The following ANKRD30B variants were observed in gnomAD, a reference collection of about 807,000 sequenced individuals.
ANKRD30B encodes the protein ankyrin repeat domain 30B, also known as ankyrin repeat domain-containing protein 30B.
Under a neutral mutation model 202.2 loss-of-function variants are expected in ANKRD30B, and 144 were observed. The ratio of observed to expected loss-of-function variants is 0.71; its 90% confidence interval spans 0.62 to 0.82. The LOEUF is 0.82. Ranked by LOEUF, ANKRD30B falls within the 40% of genes least tolerant of loss-of-function variation. The pLI is 0.00. For synonymous variants in ANKRD30B, 508 were observed against 561.3 expected (o/e 0.91, Z 1.34); for missense variants, 1,487 against 1,669.1 (o/e 0.89, Z 1.90).
rs1968495371 is a variant in ANKRD30B, at chr18:14,791,397, A to G, written c.1735-4A>G. 1 of 1,597,880 alleles carries G rather than the reference A, an allele frequency of 6.3e-7. No individual in the cohort carries two copies. ...AAATTATTTATTGATATTACTTTTAACAGAGTCCCTGTGAGACGGTTTCAC... is the reference window on the plus strand; with the variant it reads ...AAATTATTTATTGATATTACTTTTAGCAGAGTCCCTGTGAGACGGTTTCAC... On this transcript the variant is annotated splice_region_variant and splice_polypyrimidine_tract_variant and intron_variant, in intron 15 of 43. Transcript: ENST00000690538.
chr18:14,832,460 A>T (rs1970995002), intron 34 of ANKRD30B, among the ~76,000 whole-genome samples: 1 of 152,172 alleles, frequency 6.6e-6, no homozygotes, highest in South Asian at 2.1e-4. Context: ...CTTTGATCAC[A>T]TTTGAAAATT....
Position 14,760,629 on chromosome 18 carries a change from G to C in ANKRD30B, c.820+11G>C. On this transcript the variant is annotated intron_variant, in intron 6 of 43. Transcript: ENST00000690538. ...AAAATACCAATCCAGGTAAGACTTC[G>C]GATAGCAAACTACTCTTGATGGTGC... 1.3e-6 allele frequency: 2 copies of C among 1,521,320 alleles called. No homozygotes were observed. The highest frequency in any genetic ancestry group is 8.9e-7 in the Non-Finnish European group (1 of 1,129,416). The allele number at this position is 1,521,320 out of a possible 1,614,324, so 94.2% of individuals were successfully genotyped here.
intron 24 of ANKRD30B, among the ~76,000 whole-genome samples, chr18:14,807,819 A>G (rs575372347): frequency 6.6e-6 from 1 of 151,034 alleles, no homozygotes; most frequent in African/African-American, 2.4e-5. Flanking sequence ...GGCATGAGCC[A>G]CGGCACCTGG....
chr18:14,748,267 G>A lies in ANKRD30B; in HGVS notation c.-153G>A, dbSNP rs1350168310. ...AGAGCTTGGCGATACAGAAATTTCT[G>A]CTGGTGTTGGGGCGGGTGCGGGAAC... On this transcript the variant is annotated 5_prime_UTR_variant, in exon 1 of 44. Coordinates refer to ENST00000690538, the MANE Select transcript of ANKRD30B (RefSeq NM_001367607.2). 6.9e-6 allele frequency: 4 copies of A among 581,738 alleles called. No individual in the cohort carries two copies. The highest frequency in any genetic ancestry group is 1.2e-5 in the Non-Finnish European group (4 of 339,576). The allele number at this position is 581,738 out of a possible 1,614,324, so 36.0% of individuals were successfully genotyped here. A position where few individuals can be genotyped will look rare whatever the true frequency, so the allele number is the denominator to read the frequency against.
chr18:14,753,190 G>C (rs1206828502), intron 3 of ANKRD30B, among the ~76,000 whole-genome samples, 178 bp downstream of exon 3: 1 of 152,080 alleles, frequency 6.6e-6, no homozygotes, highest in Non-Finnish European at 1.5e-5. Flanking sequence ...CTATTAGAGA[G>C]TATGGCTTTT....
At position 14,851,709 on chromosome 18, in the gene ANKRD30B, A is replaced by G; in HGVS notation, c.3765A>G (p.Thr1255=). 1 of 1,611,024 alleles carries G rather than the reference A, an allele frequency of 6.2e-7. No homozygotes were observed. ...LQMTLKLKQK[T]VTKRASQYRE... is the part of the protein sequence containing the mutation. ...TGACCCTAAAACTGAAACAGAAAAC[A>G]GTAACAAAAAGGGCATCTCAGTATA... Residue 1255 remains threonine (T), a synonymous_variant, in exon 42 of 44, where the codon ACA becomes ACG. Coordinates refer to ENST00000690538, the MANE Select transcript of ANKRD30B (RefSeq NM_001367607.2).
At chr18:14,938,638 G>T in the ANKRD30B span, among the ~76,000 whole-genome samples, 1 of 152,158 alleles carries the variant, frequency 6.6e-6, no homozygotes, top group Non-Finnish European at 1.5e-5. Flanking sequence ...GGACTTGGGG[G>T]ATCTCTTCTT....
At chr18:14,755,853 A>T (rs1222203224) in intron 4 of ANKRD30B, among the ~76,000 whole-genome samples, 1 of 151,932 alleles carries the variant, frequency 6.6e-6, no homozygotes, top group Non-Finnish European at 1.5e-5. Context: ...GAATAGTGCC[A>T]CAATAAACAT....
intron 9 of ANKRD30B, among the ~76,000 whole-genome samples, chr18:14,774,535 C>CT (rs1208234790): frequency 6.6e-6 from 1 of 151,960 alleles, no homozygotes; most frequent in African/African-American, 2.4e-5. Context: ...ATGATTTATT[C>CT]TTTTTTTCTC....
intron 9 of ANKRD30B, among the ~76,000 whole-genome samples, 159 bp downstream of exon 9, chr18:14,772,387 T>TC (rs1307817471): frequency 3.4e-5 from 1 of 29,654 alleles, no homozygotes; most frequent in East Asian, 6.3e-4. Context: ...TTAAACAGTT[T>TC]TTTTTTTTTT....
chr18:14,876,152 G>C, the ANKRD30B span, among the ~76,000 whole-genome samples: 1 of 135,110 alleles, frequency 7.4e-6, no homozygotes, highest in Non-Finnish European at 1.6e-5. Flanking sequence ...ATGTGGGGGA[G>C]ACATAGATCT....
chr18:14,772,937 G>A (rs1430458063), intron 9 of ANKRD30B, among the ~76,000 whole-genome samples: 1 of 152,052 alleles, frequency 6.6e-6, no homozygotes, highest in South Asian at 2.1e-4. Flanking sequence ...GGCACATAGC[G>A]AGACCTTATC....
chr18:14,913,386 T>C, the ANKRD30B span, among the ~76,000 whole-genome samples: 1 of 152,232 alleles, frequency 6.6e-6, no homozygotes, highest in African/African-American at 2.4e-5. Flanking sequence ...TTGGGGAGAA[T>C]TGTATCTACA....
the ANKRD30B span, among the ~76,000 whole-genome samples, chr18:14,922,473 G>T: frequency 6.6e-6 from 1 of 151,660 alleles, no homozygotes. Flanking sequence ...GGCTAACACG[G>T]TGAAACCCCA....
At chr18:14,832,498 T>A (rs984322640) in intron 34 of ANKRD30B, among the ~76,000 whole-genome samples, 8 of 152,198 alleles carry the variant, frequency 5.3e-5, no homozygotes, top group African/African-American at 1.9e-4. Flanking sequence ...TTGTATTTAG[T>A]TATTTAAATA....
the ANKRD30B span, among the ~76,000 whole-genome samples, chr18:14,861,922 A>G: frequency 1.3e-5 from 2 of 152,232 alleles, no homozygotes; most frequent in South Asian, 2.1e-4. Flanking sequence ...AAAAATCACA[A>G]CTATATTAAG....
the ANKRD30B span, among the ~76,000 whole-genome samples, chr18:14,886,058 T>A: frequency 6.6e-6 from 1 of 151,968 alleles, no homozygotes; most frequent in Non-Finnish European, 1.5e-5. Context: ...CTCCTTTTTG[T>A]CAAATCATCA....
At chr18:14,930,121 TCAGGTGAGTGAATAGGGGGAAGAAG>T in the ANKRD30B span, among the ~76,000 whole-genome samples, 1 of 152,036 alleles carries the variant, frequency 6.6e-6, no homozygotes, top group Non-Finnish European at 1.5e-5. Context: ...GGTGTGTGGC[TCAGGTGAGTGAATAGGGGGAAGAAG>T]CAGGACACTG....
chr18:14,800,065 T>C (rs1404191228), intron 22 of ANKRD30B, among the ~76,000 whole-genome samples: 5 of 151,600 alleles, frequency 3.3e-5, no homozygotes, highest in African/African-American at 1.2e-4. Flanking sequence ...ACCCCATCGC[T>C]ACTAAAAATA....
Sources: allele counts gnomAD v4.1 joint callset (sites outside exome capture counted in the v4.1 genomes callset), GRCh38; gene constraint gnomAD v4.1.1; transcripts MANE v1.5; gene names NCBI Gene and HGNC (gene_info 2026-07-23, HGNC 2026-07-21).